The following WNT2 variants were observed in gnomAD, a reference collection of about 807,000 sequenced individuals.
WNT2 encodes protein Wnt-2.
Under a neutral mutation model 36.9 loss-of-function variants are expected in WNT2, and 12 were observed. The observed-to-expected ratio is 0.33, with a 90% CI of 0.21 to 0.53. WNT2 has a LOEUF of 0.53. Ranked by LOEUF, WNT2 falls within the 20% of genes least tolerant of loss-of-function variation. The pLI, the probability that WNT2 is intolerant of heterozygous loss-of-function variation, is 0.95. For synonymous variants in WNT2, 163 were observed against 174.6 expected (o/e 0.93, Z 0.52); for missense variants, 379 against 473.1 (o/e 0.80, Z 1.84).
intron 3 of WNT2, among the ~76,000 whole-genome samples, chr7:117,302,485 G>A (rs192934752): frequency 2.6e-5 from 4 of 152,246 alleles, no homozygotes; most frequent in African/African-American, 4.8e-5. Flanking sequence ...GGAGTATAGC[G>A]ATCCATCATT....
intron 4 of WNT2, among the ~76,000 whole-genome samples, chr7:117,295,955 A>G (rs1313278269): frequency 2.0e-5 from 3 of 152,222 alleles, no homozygotes; most frequent in South Asian, 2.1e-4. Flanking sequence ...TATTGCTGTC[A>G]TAGGGCTGCT....
intron 4 of WNT2, among the ~76,000 whole-genome samples, chr7:117,289,030 G>C (rs1407054639): frequency 6.9e-6 from 1 of 145,224 alleles, no homozygotes; most frequent in Non-Finnish European, 1.5e-5. Flanking sequence ...ATAGTCTGCT[G>C]ATGCATTAGT....
chr7:117,277,702 A>G lies in WNT2; in HGVS notation c.*453T>C, dbSNP rs547065575. The G allele has an allele frequency of 1.1e-4, 19 of 166,390 alleles. No individual in the cohort carries two copies. The highest frequency in any genetic ancestry group is 2.0e-4 in the Non-Finnish European group (15 of 75,722). The allele number at this position is 166,390 out of a possible 1,614,324, so 10.3% of individuals were successfully genotyped here. ...GTTAAAGTTAAGTCAGGGGCAGTTG[A>G]TTCTGCTTTCTTTACTGTTCCCATC... On this transcript the variant is annotated 3_prime_UTR_variant, in exon 5 of 5. Transcript: ENST00000265441.
chr7:117,279,867 T>G (rs1365379838), intron 4 of WNT2, among the ~76,000 whole-genome samples: 1 of 152,182 alleles, frequency 6.6e-6, no homozygotes, highest in Non-Finnish European at 1.5e-5. Flanking sequence ...GTGACTTAAT[T>G]CATTTTCAGT....
rs1357638248 is a variant in WNT2 at position 117,278,253 on chromosome 7, G to A, written c.985C>T (p.His329Tyr). 6.2e-7 allele frequency: 1 copy of A among 1,614,222 alleles called. No homozygotes were observed. The change falls in exon 5 of 5, where the codon CAC becomes TAC. Residue 329 changes from histidine to tyrosine, a missense_variant. His to Tyr is a moderately conservative substitution (Grantham distance 83, BLOSUM62 2). Coordinates refer to ENST00000265441, the MANE Select transcript of WNT2 (RefSeq NM_003391.3). ...TRMTKCGCKF[H>Y]WCCAVRCQDC... ...TGACAGCGCACGGCGCAGCACCAGT[G>A]GAACTTACACCCACACTTGGTCATC...
chr7:117,316,034 T>G (rs76228035), intron 2 of WNT2, among the ~76,000 whole-genome samples: 1,733 of 152,308 alleles, frequency 0.011, 50 homozygotes, highest in African/African-American at 0.04. Context: ...GTCTAACTAT[T>G]AAGGTGAATT....
chr7:117,275,899 C>G lies in WNT2; in HGVS notation c.*2256G>C, dbSNP rs189591674. ...GGTTCCTACGTGGATATCCTTGTCC[C>G]CTTGCTACTTACCAGGAGGGATATA... On this transcript the variant is annotated 3_prime_UTR_variant, in exon 5 of 5. Transcript: ENST00000265441. Among the ~76,000 whole-genome samples, 1 of 152,262 alleles carries G rather than the reference C, an allele frequency of 6.6e-6. No homozygotes were observed. The highest frequency in any genetic ancestry group is 2.4e-5 in the African/African-American group (1 of 41,548).
rs1794371563 is a variant in WNT2 at position 117,275,996 on chromosome 7, C to G, written c.*2159G>C. 6.6e-6 allele frequency among the ~76,000 whole-genome samples: 1 copy of G among 152,184 alleles called. No homozygotes were observed. The highest frequency in any genetic ancestry group is 2.4e-5 in the African/African-American group (1 of 41,438). ...AAAGTAGCAAACACACCATTGGAAG[C>G]TAAAATTATTTAAAATCCACTGAGT... is the stretch of plus-strand genomic sequence containing the variant. On this transcript the variant is annotated 3_prime_UTR_variant, in exon 5 of 5. Coordinates refer to ENST00000265441, the MANE Select transcript of WNT2 (RefSeq NM_003391.3).
At chr7:117,311,909 C>T (rs1221096415) in intron 3 of WNT2, among the ~76,000 whole-genome samples, 4 of 152,166 alleles carry the variant, frequency 2.6e-5, no homozygotes, top group African/African-American at 9.7e-5. Flanking sequence ...AAAGGTGCAT[C>T]TGATTTGAAG....
intron 3 of WNT2, among the ~76,000 whole-genome samples, chr7:117,309,027 T>TTA (rs1795071182): frequency 7.8e-6 from 1 of 127,496 alleles, no homozygotes; most frequent in South Asian, 2.5e-4. Flanking sequence ...CTATGAAACA[T>TTA]AAAAAAAAAA....
chr7:117,291,203 G>C (rs1041773579), intron 4 of WNT2, among the ~76,000 whole-genome samples: 5 of 152,218 alleles, frequency 3.3e-5, no homozygotes, highest in Non-Finnish European at 7.3e-5. Flanking sequence ...ACCATTCACA[G>C]CCTGGAGTTG....
chr7:117,292,566 A>G (rs1396413411), intron 4 of WNT2, among the ~76,000 whole-genome samples: 5 of 152,182 alleles, frequency 3.3e-5, no homozygotes, highest in Non-Finnish European at 7.3e-5. Context: ...GTCCCCATCC[A>G]GGAATAACCT....
intron 4 of WNT2, among the ~76,000 whole-genome samples, chr7:117,295,114 A>AGAGAC (rs762306638): frequency 4.0e-5 from 6 of 150,876 alleles, no homozygotes; most frequent in East Asian, 2.0e-4. Context: ...AGAAGAGAAG[A>AGAGAC]GAGACGAGAC....
At position 117,323,024 on chromosome 7, in the gene WNT2, C is replaced by A; in HGVS notation, c.-35G>T. 6.4e-7 allele frequency: 1 copy of A among 1,568,466 alleles called. No individual in the cohort carries two copies. On this transcript the variant is annotated 5_prime_UTR_variant, in exon 1 of 5. It introduces an in-frame stop codon into an upstream open reading frame of the 5' UTR. Transcript: ENST00000265441. ...CTTGCGTCTGCATCAGGTCAGACTC[C>A]GTGTGCGGGCGCCATGCGTGCCCAG...
rs73211993 is a variant in WNT2 at position 117,275,830 on chromosome 7, G to A, written c.*2325C>T. Among the ~76,000 whole-genome samples, 7,077 of 152,244 alleles carry A rather than the reference G, an allele frequency of 0.046. 231 individuals are homozygous for A. Among genetic ancestry groups the A allele is most frequent in the Middle Eastern group, 0.092 (27 of 294 alleles). On this transcript the variant is annotated 3_prime_UTR_variant, in exon 5 of 5. Transcript: ENST00000265441. Reference sequence around the variant, plus strand: ...AGTGGCAGGACCCACTGCCACTTGCGATGGTTGCCATAATCTCCCTTATGG... The same window carrying A: ...AGTGGCAGGACCCACTGCCACTTGCAATGGTTGCCATAATCTCCCTTATGG...
At chr7:117,314,344 C>T (rs915734909) in intron 3 of WNT2, among the ~76,000 whole-genome samples, 1 of 152,212 alleles carries the variant, frequency 6.6e-6, no homozygotes, top group African/African-American at 2.4e-5. Context: ...CACCCCTGGA[C>T]TACGTGTTGA....
At chr7:117,316,674 T>A (rs1364436468) in intron 2 of WNT2, among the ~76,000 whole-genome samples, 1 of 152,182 alleles carries the variant, frequency 6.6e-6, no homozygotes, top group Non-Finnish European at 1.5e-5. Context: ...CTACACCATA[T>A]TAAATGGCAC....
chr7:117,306,922 C>T (rs976715569), intron 3 of WNT2, among the ~76,000 whole-genome samples: 2 of 152,192 alleles, frequency 1.3e-5, no homozygotes, highest in Non-Finnish European at 2.9e-5. Context: ...CTTCAATAGG[C>T]TCATAACTGC....
At chr7:117,287,221 T>C (rs1307021659) in intron 4 of WNT2, among the ~76,000 whole-genome samples, 1 of 152,122 alleles carries the variant, frequency 6.6e-6, no homozygotes, top group Non-Finnish European at 1.5e-5. Context: ...GTGGCGTGCC[T>C]GTAGTCCCAG....
Sources: allele counts gnomAD v4.1 joint callset (sites outside exome capture counted in the v4.1 genomes callset), GRCh38; gene constraint gnomAD v4.1.1; transcripts MANE v1.5; gene names NCBI Gene and HGNC (gene_info 2026-07-23, HGNC 2026-07-21).